The following DTHD1 variants were observed in gnomAD, a reference collection of about 807,000 sequenced individuals.
DTHD1 encodes death domain containing 1.
A neutral mutation model predicts 74.8 loss-of-function variants in DTHD1; 59 were observed. The observed-to-expected ratio is 0.79, with a 90% CI of 0.64 to 0.98. DTHD1 has a LOEUF of 0.98. DTHD1 is among the 50% of genes least tolerant of loss of function. The pLI is 0.00. For synonymous variants in DTHD1, 365 were observed against 371.1 expected, an observed-to-expected ratio of 0.98 and a Z score of 0.19; for missense variants, 1,051 against 1,065.4, an observed-to-expected ratio of 0.99 and a Z score of 0.19.
chr4:36,336,367 T>TTG (rs72596077), intron 8 of DTHD1, among the ~76,000 whole-genome samples: 1 of 151,936 alleles, frequency 6.6e-6, no homozygotes, highest in African/African-American at 2.4e-5. Context: ...GTTGTTGTTG[T>TTG]TTTGAAGGGA....
At position 36,306,270 on chromosome 4, in the gene DTHD1, A is replaced by G. The variant is rs898297472; in HGVS notation, c.1723A>G (p.Ser575Gly). 6.4e-7 allele frequency: 1 copy of G among 1,551,828 alleles called. No homozygotes were observed. Among genetic ancestry groups the G allele is most frequent in the Non-Finnish European group, 8.7e-7 (1 of 1,147,006 alleles). Residue 575 changes from serine to glycine, a missense_variant, in exon 6 of 10, where the codon AGT (serine) becomes GGT (glycine). Physicochemically the swap from Ser to Gly is moderately conservative, Grantham distance 56. Transcript: ENST00000639862. ...LKLLGFRSQD[S>G]GWCGLDDVVK... ...ATTACTGGGATTCAGAAGCCAAGAC[A>G]GTGGTTGGTGTGGGCTTGATGATGT...
intron 2 of DTHD1, among the ~76,000 whole-genome samples, 167 bp from the exon 3 acceptor site, chr4:36,290,205 GA>G (rs1755980563): frequency 6.6e-6 from 1 of 152,092 alleles, no homozygotes; most frequent in Non-Finnish European, 1.5e-5. Context: ...TACCATTGAG[GA>G]AACTGAGGCA....
intron 8 of DTHD1, among the ~76,000 whole-genome samples, chr4:36,322,528 A>T (rs1473367237): frequency 6.6e-6 from 1 of 152,100 alleles, no homozygotes; most frequent in Non-Finnish European, 1.5e-5. Context: ...CCAGGAGAGC[A>T]TCCAAGTGGG....
chr4:36,323,372 G>T (rs1188458189), intron 8 of DTHD1, among the ~76,000 whole-genome samples: 2 of 151,922 alleles, frequency 1.3e-5, no homozygotes, highest in African/African-American at 4.8e-5. Context: ...GCTCTGCTAG[G>T]GATAATGTTG....
At chr4:36,300,481 C>G (rs1756696030) in intron 5 of DTHD1, among the ~76,000 whole-genome samples, 1 of 152,162 alleles carries the variant, frequency 6.6e-6, no homozygotes, top group Non-Finnish European at 1.5e-5. Flanking sequence ...TGGTTGCTCC[C>G]TTAGCTGCAA....
chr4:36,286,304 C>T (rs566886188), intron 2 of DTHD1, among the ~76,000 whole-genome samples: 34 of 152,330 alleles, frequency 2.2e-4, no homozygotes, highest in African/African-American at 7.9e-4. Context: ...ATTGCCTGAA[C>T]TACTCCCTCT....
intron 5 of DTHD1, among the ~76,000 whole-genome samples, chr4:36,295,619 G>A (rs1433670515): frequency 6.6e-6 from 1 of 151,962 alleles, no homozygotes; most frequent in Non-Finnish European, 1.5e-5. Flanking sequence ...GGAAGAGAGA[G>A]AGAGCATCAT....
intron 8 of DTHD1, among the ~76,000 whole-genome samples, chr4:36,326,367 T>G (rs1758345062): frequency 6.7e-6 from 1 of 150,304 alleles, no homozygotes; most frequent in African/African-American, 2.4e-5. Flanking sequence ...ACTAAATTAT[T>G]CCCTGCTAGT....
chr4:36,305,809 T>A (rs114358018), intron 5 of DTHD1, among the ~76,000 whole-genome samples: 3,801 of 152,316 alleles, frequency 0.025, 66 homozygotes, highest in Middle Eastern at 0.041. Context: ...AGTTTATTAA[T>A]GTTTTTGGGT....
intron 8 of DTHD1, among the ~76,000 whole-genome samples, chr4:36,331,385 G>T (rs1452188435): frequency 1.4e-4 from 21 of 152,134 alleles, no homozygotes; most frequent in Non-Finnish European, 2.8e-4. Flanking sequence ...AGTTGAAGTG[G>T]TCTATATGCA....
At chr4:36,299,358 A>G (rs1051974482) in intron 5 of DTHD1, among the ~76,000 whole-genome samples, 1 of 151,880 alleles carries the variant, frequency 6.6e-6, no homozygotes, top group African/African-American at 2.4e-5. Flanking sequence ...ATATTATGCC[A>G]CTCTTTATTG....
Position 36,343,171 on chromosome 4 carries a change from C to T in DTHD1, c.2399-331C>T, listed in dbSNP as rs1759417151. Among the ~76,000 whole-genome samples, 2 of 152,110 alleles carry T rather than the reference C, an allele frequency of 1.3e-5. 1 individual carries two copies. The highest frequency in any genetic ancestry group is 1.3e-4 in the Admixed American group (2 of 15,258). The stretch of plus-strand genomic sequence containing the variant: ...ATCTTCTGGGAGCTTGTTAAAAATG[C>T]CAAGTTTGCTCCCACCCTAGTTTTG... On this transcript the variant is annotated intron_variant, in intron 9 of 9. Coordinates refer to ENST00000639862, the MANE Select transcript of DTHD1 (RefSeq NM_001170700.3).
intron 8 of DTHD1, among the ~76,000 whole-genome samples, chr4:36,331,858 A>G (rs1416854659): frequency 6.6e-6 from 1 of 152,254 alleles, no homozygotes; most frequent in East Asian, 1.9e-4. Context: ...TTTGCTCTGC[A>G]CTAGAGTCCC....
At chr4:36,296,967 C>G (rs989026833) in intron 5 of DTHD1, among the ~76,000 whole-genome samples, 1 of 152,022 alleles carries the variant, frequency 6.6e-6, no homozygotes, top group Non-Finnish European at 1.5e-5. Flanking sequence ...AGTCTATTAA[C>G]ACATATTTTG....
chr4:36,305,700 C>T (rs1052555402), intron 5 of DTHD1, among the ~76,000 whole-genome samples: 1 of 152,148 alleles, frequency 6.6e-6, no homozygotes, highest in African/African-American at 2.4e-5. Context: ...GTCACCCAGG[C>T]TTTGAAACTG....
At chr4:36,312,192 T>A (rs1401258248) in intron 7 of DTHD1, among the ~76,000 whole-genome samples, 1 of 151,730 alleles carries the variant, frequency 6.6e-6, no homozygotes, top group Non-Finnish European at 1.5e-5. Flanking sequence ...CCAGGAAGTG[T>A]TTTAATATGA....
chr4:36,310,887 A>G (rs1354036288), intron 7 of DTHD1, among the ~76,000 whole-genome samples: 2 of 152,136 alleles, frequency 1.3e-5, no homozygotes, highest in Non-Finnish European at 2.9e-5. Flanking sequence ...AGAGGAAGGA[A>G]GGGTGGAAGA....
At chr4:36,319,233 T>C (rs892550885) in intron 8 of DTHD1, among the ~76,000 whole-genome samples, 2 of 152,244 alleles carry the variant, frequency 1.3e-5, no homozygotes, top group African/African-American at 4.8e-5. Flanking sequence ...TCCAGGTTCC[T>C]TCTTCTGTGA....
Position 36,293,552 on chromosome 4 carries a change from C to A in DTHD1, c.1245C>A (p.Tyr415Ter). The A allele has an allele frequency of 1.3e-6, 2 of 1,545,118 alleles. No homozygotes were observed. Among genetic ancestry groups the A allele is most frequent in the East Asian group, 2.5e-5 (1 of 40,772 alleles). Residue 415 changes from tyrosine (Y) to a stop codon, truncating the protein, a stop_gained, in exon 4 of 10, where the codon TAC (tyrosine) becomes TAA (stop). Coordinates refer to ENST00000639862, the MANE Select transcript of DTHD1 (RefSeq NM_001170700.3). LOFTEE classifies it high-confidence loss of function. Reference sequence around the variant, plus strand: ...GGACCTGTGCTTCAGTAAAAGTTTACAAATTGGGTATCTTTTCTGTTGTGT... The same window carrying A: ...GGACCTGTGCTTCAGTAAAAGTTTAAAAATTGGGTATCTTTTCTGTTGTGT... ...YKGTCASVKVYKLGIFSVVSC... is the reference protein window; with the variant it reads ...YKGTCASVKV
Sources: gnomAD v4.1 joint callset for allele counts (sites outside exome capture counted in the v4.1 genomes callset) on GRCh38, gnomAD v4.1.1 for gene constraint, MANE v1.5 for transcripts, NCBI Gene and HGNC (gene_info 2026-07-23, HGNC 2026-07-21) for gene names.